CERS6: variants seen among roughly 807,000 people sequenced by gnomAD.
CERS6 encodes the protein LAG1 homolog, ceramide synthase 6.
CERS6 carries 26 observed loss-of-function variants against 56.8 expected under a neutral mutation model. That is an observed-to-expected ratio of 0.46 (90% CI 0.34 to 0.63). The LOEUF (loss-of-function observed/expected upper bound fraction) is 0.63, where lower values mean the gene tolerates loss of function less well. Among genes scored for constraint, CERS6 ranks in the 30% least tolerant of loss-of-function variants. The pLI is 0.01. For synonymous variants in CERS6, 164 were observed against 173.3 expected, an observed-to-expected ratio of 0.95 and a Z score of 0.42; for missense variants, 415 against 467.5, an observed-to-expected ratio of 0.89 and a Z score of 1.04.
At chr2:168,699,066 A>G (rs767107117) in intron 6 of CERS6, among the ~76,000 whole-genome samples, 17 of 152,124 alleles carry the variant, frequency 1.1e-4, no homozygotes, top group Admixed American at 7.2e-4. Context: ...CTCTGCTGCC[A>G]TCTCTCATTA....
chr2:168,585,501 T>G lies in CERS6; in HGVS notation c.407+24179T>G, dbSNP rs145287056. On this transcript the variant is annotated intron_variant, in intron 3 of 9. Coordinates refer to ENST00000305747, the MANE Select transcript of CERS6 (RefSeq NM_203463.3). ...CCTTCTGCTTACCAGATGTGTGATG[T>G]TGGCCAAGCCAATTCTGCCTCAGTA... 3.8e-3 allele frequency among the ~76,000 whole-genome samples: 572 copies of G among 152,310 alleles called. 3 individuals carry two copies. Among genetic ancestry groups the G allele is most frequent in the African/African-American group, 0.013 (547 of 41,554 alleles).
chr2:168,663,771 T>TA (rs35070293), intron 4 of CERS6, among the ~76,000 whole-genome samples: 63,024 of 151,828 alleles, frequency 0.42, 14,151 homozygotes, highest in Non-Finnish European at 0.51. Flanking sequence ...ATATATACTT[T>TA]AAAAAAAATC....
chr2:168,468,748 G>T (rs988859500), intron 1 of CERS6, among the ~76,000 whole-genome samples: 6 of 152,148 alleles, frequency 3.9e-5, no homozygotes, highest in Non-Finnish European at 5.9e-5. Context: ...GGCTGTCTGT[G>T]TACAGAGTTT....
chr2:168,456,656 G>GCA lies in CERS6; in HGVS notation c.170+46_170+47dup, dbSNP rs771498676. 8 of 1,588,682 alleles carry GCA rather than the reference G, an allele frequency of 5.0e-6. No individual in the cohort carries two copies. The East Asian group carries it at 6.9e-5, about 14-fold the overall frequency. ...GAAGCCCCTCCTCCCCTCCCCCTGC[G>GCA]CACACACACGCGCGCACACACTCGC... is the stretch of plus-strand genomic sequence containing the variant. On this transcript the variant is annotated intron_variant, in intron 1 of 9. Transcript: ENST00000305747. This position sits in a 1 kb window ranked among gnomAD's most constrained non-coding sequence, Gnocchi z 4.1.
At chr2:168,667,733 G>A (rs1017528515) in intron 4 of CERS6, among the ~76,000 whole-genome samples, 5 of 152,244 alleles carry the variant, frequency 3.3e-5, no homozygotes, top group Admixed American at 2.0e-4. Flanking sequence ...GTGAGCCTCC[G>A]TTAATTAAGT....
At chr2:168,482,616 G>T (rs1694197390) in intron 1 of CERS6, among the ~76,000 whole-genome samples, 1 of 152,248 alleles carries the variant, frequency 6.6e-6, no homozygotes, top group African/African-American at 2.4e-5. Context: ...CATCTATCTG[G>T]AAGGATTTGC....
At chr2:168,624,654 A>G (rs913899954) in intron 3 of CERS6, among the ~76,000 whole-genome samples, 2 of 152,188 alleles carry the variant, frequency 1.3e-5, no homozygotes, top group Non-Finnish European at 2.9e-5. Flanking sequence ...GGACTTCACA[A>G]AGATGACTAC....
At chr2:168,562,548 A>G (rs1451107733) in intron 3 of CERS6, among the ~76,000 whole-genome samples, 3 of 152,238 alleles carry the variant, frequency 2.0e-5, no homozygotes, top group Non-Finnish European at 4.4e-5. Context: ...GTTCAAGGGA[A>G]GGTACTATGA....
intron 3 of CERS6, among the ~76,000 whole-genome samples, chr2:168,608,817 T>G (rs796825956): frequency 1.5e-4 from 23 of 152,342 alleles, no homozygotes; most frequent in African/African-American, 5.1e-4. Flanking sequence ...TGCCTTTTAT[T>G]TATGGTATCT....
chr2:168,514,157 G>A (rs1212122116), intron 1 of CERS6, among the ~76,000 whole-genome samples: 3 of 152,158 alleles, frequency 2.0e-5, no homozygotes, highest in African/African-American at 4.8e-5. Context: ...AAAGCTTTTT[G>A]ACAGTTTAGT....
In CERS6 at chr2:168,486,518, G is replaced by GTTTTTTTTTTTTTTTTTTT; in HGVS notation, c.170+29900_170+29901insTTTTTTTTTTTTTTTTTTT. On this transcript the variant is annotated intron_variant, in intron 1 of 9. Transcript: ENST00000305747. ...ATTTTTGTTAAAGGTGTCTAGATTT[G>GTTTTTTTTTTTTTTTTTTT]GTTTTGTTTTTTTTTTTTTTGCCTA... Among the ~76,000 whole-genome samples the GTTTTTTTTTTTTTTTTTTT allele has an allele frequency of 6.1e-4, 83 of 136,286 alleles. 1 individual carries two copies. Among genetic ancestry groups the GTTTTTTTTTTTTTTTTTTT allele is most frequent in the East Asian group, 2.2e-3 (10 of 4,508 alleles). The allele number at this position is 136,286 out of a possible 152,430, so 89.4% of individuals were successfully genotyped here.
At chr2:168,624,811 C>G (rs1031448) in intron 3 of CERS6, among the ~76,000 whole-genome samples, 1 of 152,040 alleles carries the variant, frequency 6.6e-6, no homozygotes, top group Non-Finnish European at 1.5e-5. Context: ...TGTAATATGT[C>G]TATCTTGTAG....
intron 1 of CERS6, among the ~76,000 whole-genome samples, chr2:168,544,292 A>G (rs146049770): frequency 1.6e-4 from 24 of 152,306 alleles, no homozygotes; most frequent in Admixed American, 5.9e-4. Flanking sequence ...GATTATAACA[A>G]TGACCCTTCT....
At position 168,645,116 on chromosome 2, in the gene CERS6, A is replaced by AATATATAT. The variant is rs1553503151; in HGVS notation, c.465+14094_465+14101dup. Among the ~76,000 whole-genome samples the AATATATAT allele has an allele frequency of 1.1e-4, 2 of 19,034 alleles. 1 individual carries two copies. Among genetic ancestry groups the AATATATAT allele is most frequent in the Non-Finnish European group, 2.0e-4 (2 of 10,018 alleles). The allele number at this position is 19,034 out of a possible 152,430, so 12.5% of individuals were successfully genotyped here. On this transcript the variant is annotated intron_variant, in intron 4 of 9. Coordinates refer to ENST00000305747, the MANE Select transcript of CERS6 (RefSeq NM_203463.3). ...AAAAAAAAAAAAAAAAAAAAAAAAA[A>AATATATAT]ATATATATATATATATATATATATA...
At chr2:168,698,130 T>C (rs1686706502) in intron 6 of CERS6, among the ~76,000 whole-genome samples, 1 of 151,330 alleles carries the variant, frequency 6.6e-6, no homozygotes. Flanking sequence ...ACCCTGTCTG[T>C]ATAAAATATA....
At chr2:168,523,757 T>G (rs1392968211) in intron 1 of CERS6, among the ~76,000 whole-genome samples, 2 of 152,290 alleles carry the variant, frequency 1.3e-5, no homozygotes, top group East Asian at 3.9e-4. Context: ...TGATATTCAC[T>G]GACATTTTCA....
chr2:168,730,876 G>A (rs1472068887), intron 8 of CERS6, among the ~76,000 whole-genome samples: 1 of 152,132 alleles, frequency 6.6e-6, no homozygotes, highest in Non-Finnish European at 1.5e-5. Context: ...GTTGTGATCT[G>A]TGAGTTATTC....
chr2:168,574,704 T>A (rs1271343901), intron 3 of CERS6, among the ~76,000 whole-genome samples: 1 of 36,820 alleles, frequency 2.7e-5, no homozygotes, highest in Non-Finnish European at 4.7e-5. Context: ...ATTCAATTAG[T>A]ATTAAGGGCT....
chr2:168,608,322 G>T (rs564981733), intron 3 of CERS6, among the ~76,000 whole-genome samples: 1 of 152,312 alleles, frequency 6.6e-6, no homozygotes, highest in South Asian at 2.1e-4. Context: ...TAATGCTGCT[G>T]TGAACATTCG....
Sources: gnomAD v4.1 joint callset for allele counts (sites outside exome capture counted in the v4.1 genomes callset) on GRCh38, gnomAD v4.1.1 for gene constraint, Gnocchi (gnomAD v3.1) non-coding constraint, MANE v1.5 for transcripts, NCBI Gene and HGNC (gene_info 2026-07-23, HGNC 2026-07-21) for gene names.